Variants in ADAMTS6 observed in about 807,000 individuals in gnomAD.
The protein encoded by ADAMTS6 is ADAM metallopeptidase with thrombospondin type 1 motif 6.
In ADAMTS6, 23 loss-of-function variants were observed where a neutral mutation model predicts 144.3. That is an observed-to-expected ratio of 0.16 (90% CI 0.11 to 0.23). The LOEUF (loss-of-function observed/expected upper bound fraction) is 0.23, where lower values mean the gene tolerates loss of function less well. Among genes scored for constraint, ADAMTS6 ranks in the 10% least tolerant of loss-of-function variants. The pLI is 1.00. For missense variants in ADAMTS6, 999 were observed against 1,379.6 expected (o/e 0.72, Z 4.37); for synonymous variants, 444 against 457.5 (o/e 0.97, Z 0.38).
rs1580502408 is a variant in ADAMTS6 at position 65,365,865 on chromosome 5, G to A, written c.1074-31780C>T. On this transcript the variant is annotated intron_variant, in intron 7 of 24. Transcript: ENST00000381055. ...TAAAATGTGTCTTTGCCTGCCAATT[G>A]TTTCACTTGAGTACATGCTTTTCAG... Among the ~76,000 whole-genome samples, 2 of 152,070 alleles carry A rather than the reference G, an allele frequency of 1.3e-5. 1 individual carries two copies. The highest frequency in any genetic ancestry group is 3.9e-4 in the East Asian group (2 of 5,172).
At chr5:65,408,833 G>C (rs1349953542) in intron 7 of ADAMTS6, among the ~76,000 whole-genome samples, 1 of 152,128 alleles carries the variant, frequency 6.6e-6, no homozygotes, top group Non-Finnish European at 1.5e-5. Context: ...CTAGAACTCA[G>C]GATTAAGAAA....
At chr5:65,192,556 TAACTC>T (rs1204751409) in intron 21 of ADAMTS6, among the ~76,000 whole-genome samples, 4 of 152,070 alleles carry the variant, frequency 2.6e-5, no homozygotes, top group East Asian at 1.9e-4. Flanking sequence ...GGTAAAAACT[TAACTC>T]AGCCTTTCTC....
intron 11 of ADAMTS6, 72 bp from the exon 12 acceptor site, chr5:65,273,519 A>G: frequency 8.1e-7 from 1 of 1,241,732 alleles, no homozygotes; most frequent in Non-Finnish European, 1.2e-6. Context: ...ATACACTTAC[A>G]GTCACTCTGC....
At chr5:65,380,293 C>T (rs1358435596) in intron 7 of ADAMTS6, among the ~76,000 whole-genome samples, 3 of 151,868 alleles carry the variant, frequency 2.0e-5, no homozygotes, top group South Asian at 4.2e-4. Flanking sequence ...TACTGGGGGC[C>T]GGGAGTGGTG....
intron 2 of ADAMTS6, among the ~76,000 whole-genome samples, chr5:65,472,938 C>A (rs1380370738): frequency 1.3e-5 from 2 of 152,040 alleles, no homozygotes; most frequent in South Asian, 2.1e-4. Flanking sequence ...GAGGGAAATC[C>A]AAAAGGTATG....
chr5:65,474,270 G>A (rs943486617), intron 1 of ADAMTS6, among the ~76,000 whole-genome samples: 10 of 151,986 alleles, frequency 6.6e-5, no homozygotes, highest in African/African-American at 2.2e-4. Flanking sequence ...AAATAAAATC[G>A]GCTGACTTCA....
intron 7 of ADAMTS6, among the ~76,000 whole-genome samples, chr5:65,337,796 T>A (rs570908050): frequency 6.6e-6 from 1 of 152,312 alleles, no homozygotes; most frequent in Admixed American, 6.5e-5. Flanking sequence ...TGGGTTTACC[T>A]TATTTTCCTC....
intron 7 of ADAMTS6, 102 bp from the exon 8 acceptor site, chr5:65,334,187 A>C: frequency 7.8e-7 from 1 of 1,275,670 alleles, no homozygotes; most frequent in Non-Finnish European, 1.1e-6. Context: ...ACCACAATTA[A>C]TGCAATTATG....
chr5:65,450,855 C>T (rs905310793), intron 7 of ADAMTS6, among the ~76,000 whole-genome samples: 1 of 152,008 alleles, frequency 6.6e-6, no homozygotes, highest in Non-Finnish European at 1.5e-5. Context: ...TAAAATGGAT[C>T]TCAAAACAGT....
At chr5:65,375,004 T>C (rs985933196) in intron 7 of ADAMTS6, among the ~76,000 whole-genome samples, 1 of 152,140 alleles carries the variant, frequency 6.6e-6, no homozygotes, top group African/African-American at 2.4e-5. Context: ...AAACAAGCAA[T>C]GGGGAAAGGA....
At chr5:65,281,989 C>A (rs548551577) in intron 11 of ADAMTS6, among the ~76,000 whole-genome samples, 2 of 152,032 alleles carry the variant, frequency 1.3e-5, no homozygotes, top group Admixed American at 6.6e-5. Flanking sequence ...TTAAAATTAG[C>A]AGCTTACACA....
At chr5:65,302,075 G>C (rs1446960845) in intron 9 of ADAMTS6, among the ~76,000 whole-genome samples, 6 of 128,716 alleles carry the variant, frequency 4.7e-5, no homozygotes, top group Admixed American at 8.9e-5. Context: ...TAGGGTAACA[G>C]AGCAAGGCTC....
Position 65,220,304 on chromosome 5 carries a change from A to G in ADAMTS6, c.2272+4016T>C, listed in dbSNP as rs78310843. On this transcript the variant is annotated intron_variant, in intron 18 of 24. Coordinates refer to ENST00000381055, the MANE Select transcript of ADAMTS6 (RefSeq NM_197941.4). ...TCATAAGGAAAATAAAATGTATCATATGTCTGACAAAATTTATGGTAAAAA... is the reference window on the plus strand; with the variant it reads ...TCATAAGGAAAATAAAATGTATCATGTGTCTGACAAAATTTATGGTAAAAA... Among the ~76,000 whole-genome samples the G allele has an allele frequency of 8.8e-3, 1,340 of 152,328 alleles. 18 individuals are homozygous for G. The highest frequency in any genetic ancestry group is 0.03 in the African/African-American group (1,257 of 41,568).
chr5:65,398,348 G>T (rs1297709202), intron 7 of ADAMTS6, among the ~76,000 whole-genome samples: 3 of 152,150 alleles, frequency 2.0e-5, no homozygotes, highest in African/African-American at 7.2e-5. Context: ...TATGTCTCTT[G>T]CAGAACTGAC....
intron 21 of ADAMTS6, among the ~76,000 whole-genome samples, chr5:65,196,577 A>G (rs961956397): frequency 6.7e-6 from 1 of 148,374 alleles, no homozygotes; most frequent in Non-Finnish European, 1.5e-5. Context: ...TTTAGGACAA[A>G]TATGTAGAAA....
chr5:65,321,342 T>G (rs2112884087), intron 9 of ADAMTS6, among the ~76,000 whole-genome samples: 1 of 152,266 alleles, frequency 6.6e-6, no homozygotes, highest in East Asian at 1.9e-4. Context: ...TATGTATGTC[T>G]TGTTTGAAGT....
At chr5:65,224,452 A>G in intron 17 of ADAMTS6, 52 bp from the exon 18 acceptor site, 3 of 1,436,922 alleles carry the variant, frequency 2.1e-6, no homozygotes, top group African/African-American at 1.4e-5. Context: ...GGAAATGAGT[A>G]TTTGGTAACC....
chr5:65,282,841 T>C (rs969204535), intron 11 of ADAMTS6, among the ~76,000 whole-genome samples: 1 of 152,030 alleles, frequency 6.6e-6, no homozygotes, highest in African/African-American at 2.4e-5. Context: ...CAGGTTTACT[T>C]TGGAATAACC....
Position 65,379,216 on chromosome 5 carries a change from C to A in ADAMTS6, c.1074-45131G>T, listed in dbSNP as rs180860365. On this transcript the variant is annotated intron_variant, in intron 7 of 24. Coordinates refer to ENST00000381055, the MANE Select transcript of ADAMTS6 (RefSeq NM_197941.4). ...TCCCAATTTGTAAAGGGCAAAGAGGCCATTTTTTATCCCTCTTCACTTTTG... is the reference window on the plus strand; with the variant it reads ...TCCCAATTTGTAAAGGGCAAAGAGGACATTTTTTATCCCTCTTCACTTTTG... Among the ~76,000 whole-genome samples, 11 of 152,272 alleles carry A rather than the reference C, an allele frequency of 7.2e-5. No homozygotes were observed. The South Asian group carries it at 8.3e-4, about 11-fold the overall frequency.
Sources: gnomAD v4.1 joint callset for allele counts (sites outside exome capture counted in the v4.1 genomes callset) on GRCh38, gnomAD v4.1.1 for gene constraint, MANE v1.5 for transcripts, NCBI Gene and HGNC (gene_info 2026-07-23, HGNC 2026-07-21) for gene names.